ZEB2: variants seen among roughly 807,000 people sequenced by gnomAD.
The protein encoded by ZEB2 is zinc finger E-box-binding homeobox 2.
ZEB2 carries 6 observed loss-of-function variants against 99.9 expected under a neutral mutation model. The ratio of observed to expected loss-of-function variants is 0.06; its 90% CI spans 0.03 to 0.12. The LOEUF (loss-of-function observed/expected upper bound fraction) is 0.12, where lower values mean the gene tolerates loss of function less well. Among genes scored for constraint, ZEB2 ranks in the 10% least tolerant of loss-of-function variants. ZEB2 has a pLI of 1.00. For synonymous variants in ZEB2, 517 were observed against 542.5 expected (o/e 0.95, Z 0.65); for missense variants, 969 against 1,502.8 (o/e 0.64, Z 5.87).
chr2:144,401,366 A>G, intron 6 of ZEB2, 59 bp from the exon 7 acceptor site: 2 of 1,564,976 alleles, frequency 1.3e-6, no homozygotes, highest in African/African-American at 2.7e-5. Context: ...AAAATTTGTT[A>G]CAAATATTTT....
intron 4 of ZEB2, among the ~76,000 whole-genome samples, chr2:144,406,616 G>A (rs893788193): frequency 1.3e-5 from 2 of 152,176 alleles, no homozygotes; most frequent in Non-Finnish European, 2.9e-5. Flanking sequence ...AGGATGAAAG[G>A]GGAACCACGT....
intron 2 of ZEB2, among the ~76,000 whole-genome samples, chr2:144,491,343 G>A (rs1353433265): frequency 2.6e-5 from 3 of 115,032 alleles, no homozygotes; most frequent in Admixed American, 2.0e-4. Context: ...TTCGTCTTTC[G>A]TTTCTTCTCA....
chr2:144,405,966 C>T (rs553588221), intron 4 of ZEB2, among the ~76,000 whole-genome samples: 119 of 152,190 alleles, frequency 7.8e-4, no homozygotes, highest in African/African-American at 2.7e-3. Flanking sequence ...TTATATTATT[C>T]TTTATCCTAA....
chr2:144,466,285 T>C (rs1704271417), intron 2 of ZEB2, among the ~76,000 whole-genome samples: 1 of 152,118 alleles, frequency 6.6e-6, no homozygotes, highest in African/African-American at 2.4e-5. Flanking sequence ...TTTCACTACT[T>C]TTTCTAACGT....
At chr2:144,518,300 T>G (rs1705202463) in intron 1 of ZEB2, 1 of 152,102 alleles carries the variant, frequency 6.6e-6, no homozygotes, top group Non-Finnish European at 1.5e-5. Flanking sequence ...TACCTAAAAA[T>G]CGAGAGAGGC....
At chr2:144,512,823 G>T in intron 2 of ZEB2, 1 of 1,287,148 alleles carries the variant, frequency 7.8e-7, no homozygotes, top group Non-Finnish European at 1.0e-6. Flanking sequence ...AAAACTTGCA[G>T]AAGATCTCCA....
intron 2 of ZEB2, chr2:144,455,210 C>A (rs541338268): frequency 1.3e-5 from 2 of 152,204 alleles, no homozygotes; most frequent in Non-Finnish European, 2.9e-5. Context: ...TGACTAACCT[C>A]TGCACTTGGA....
At chr2:144,401,735 C>T (rs1238983894) in intron 6 of ZEB2, among the ~76,000 whole-genome samples, 2 of 152,098 alleles carry the variant, frequency 1.3e-5, no homozygotes, top group Non-Finnish European at 2.9e-5. Context: ...ACCACCCCCA[C>T]ACAACAAAAG....
chr2:144,497,772 AG>A (rs1432084085), intron 2 of ZEB2: 7 of 159,658 alleles, frequency 4.4e-5, no homozygotes, highest in South Asian at 2.1e-4. Context: ...ACCCTGTAAG[AG>A]TACAGAGATG....
rs1182891083 is a variant in ZEB2 at position 144,517,360 on chromosome 2, C to G, written c.-10G>C. ...TGATCGGCTGCTTCATTGATAAGAG[C>G]GGATCAGATGGCAGTTCGCATGGAC... On this transcript the variant is annotated 5_prime_UTR_variant, in exon 2 of 10. Coordinates refer to ENST00000627532, the MANE Select transcript of ZEB2 (RefSeq NM_014795.4). 6.2e-7 allele frequency: 1 copy of G among 1,613,550 alleles called. No individual in the cohort carries two copies. Among genetic ancestry groups the G allele is most frequent in the Non-Finnish European group, 8.5e-7 (1 of 1,179,862 alleles).
At chr2:144,438,007 T>C (rs933208362) in intron 2 of ZEB2, among the ~76,000 whole-genome samples, 7 of 152,208 alleles carry the variant, frequency 4.6e-5, no homozygotes, top group African/African-American at 1.7e-4. Flanking sequence ...TTTTAGCTAT[T>C]GTAGTCCCAC....
intron 2 of ZEB2, among the ~76,000 whole-genome samples, chr2:144,484,129 T>TG (rs1704558956): frequency 6.6e-6 from 1 of 151,232 alleles, no homozygotes; most frequent in Non-Finnish European, 1.5e-5. Context: ...CATGCAGCTA[T>TG]GTGGGCCCGA....
Position 144,399,796 on chromosome 2 carries a change from A to G in ZEB2, c.1391T>C (p.Leu464Pro). Residue 464 changes from leucine to proline, a missense_variant, in exon 8 of 10, where the codon CTA (leucine) becomes CCA (proline). Physicochemically the swap from Leu to Pro is moderately conservative, Grantham distance 98. Transcript: ENST00000627532. The surrounding 1 kb of genome is among the most constrained non-coding windows in gnomAD (Gnocchi z 5.6). ...NSNLSEVQKVLQIVDNTVSRQ... is the reference protein window; with the variant it reads ...NSNLSEVQKVPQIVDNTVSRQ... ...GGAAACAGTATTGTCCACAATCTGT[A>G]GAACCTTTTGTACCTCACTTAAATT... The G allele has an allele frequency of 1.2e-6, 2 of 1,614,222 alleles. No homozygotes were observed. Among genetic ancestry groups the G allele is most frequent in the Non-Finnish European group, 8.5e-7 (1 of 1,180,048 alleles).
chr2:144,392,479 G>A (rs946158793), intron 9 of ZEB2, among the ~76,000 whole-genome samples: 18 of 152,272 alleles, frequency 1.2e-4, no homozygotes, highest in Middle Eastern at 3.4e-3. Flanking sequence ...GAACTCATTC[G>A]ATAATAAACA....
At chr2:144,434,689 G>T (rs1453032093) in intron 2 of ZEB2, among the ~76,000 whole-genome samples, 1 of 152,154 alleles carries the variant, frequency 6.6e-6, no homozygotes, top group Non-Finnish European at 1.5e-5. Flanking sequence ...AAATTGTTTT[G>T]ATGATTGTTA....
At chr2:144,489,231 G>A (rs1704642667) in intron 2 of ZEB2, among the ~76,000 whole-genome samples, 1 of 152,212 alleles carries the variant, frequency 6.6e-6, no homozygotes, top group African/African-American at 2.4e-5. Context: ...TGCAGCACAT[G>A]TTGAAGTCTT....
chr2:144,414,136 A>G (rs1158602720), intron 4 of ZEB2, among the ~76,000 whole-genome samples: 1 of 152,170 alleles, frequency 6.6e-6, no homozygotes, highest in African/African-American at 2.4e-5. Flanking sequence ...TTGGGGTTCA[A>G]TTGCTCTGGA....
chr2:144,506,998 A>C (rs1185089166), intron 2 of ZEB2, among the ~76,000 whole-genome samples: 4 of 152,132 alleles, frequency 2.6e-5, no homozygotes, highest in African/African-American at 9.7e-5. Flanking sequence ...TACCTCTCTC[A>C]CCTGAGATTA....
Position 144,387,232 on chromosome 2 carries a change from TTTC to T in ZEB2, c.*2216_*2218del, listed in dbSNP as rs1329306902. The T allele has an allele frequency of 6.6e-6, 1 of 152,028 alleles. No individual in the cohort carries two copies. The highest frequency in any genetic ancestry group is 1.9e-4 in the East Asian group (1 of 5,188). 9.4% of individuals were successfully genotyped at this position (152,028 alleles called of 1,614,324 possible). A position where few individuals can be genotyped will look rare whatever the true frequency, so the allele number is the denominator to read the frequency against. On this transcript the variant is annotated 3_prime_UTR_variant, in exon 10 of 10. Transcript: ENST00000627532. ...GCAAATTTAATAGCAAAATGATGCTTTTCTTCTTTGATTCTAAAGTAGAAAAAA... is the reference window on the plus strand; with the variant it reads ...GCAAATTTAATAGCAAAATGATGCTTTTCTTTGATTCTAAAGTAGAAAAAA...
Sources: allele counts gnomAD v4.1 joint callset (sites outside exome capture counted in the v4.1 genomes callset), GRCh38; gene constraint gnomAD v4.1.1; non-coding constraint Gnocchi (gnomAD v3.1); transcripts MANE v1.5; gene names NCBI Gene and HGNC (gene_info 2026-07-23, HGNC 2026-07-21).